Variants in NBPF8 observed in about 807,000 individuals in gnomAD.
NBPF8 encodes NBPF member 8.
At chr1:120,452,194 C>T in exon 13 of NBPF8, 5 of 1,358,668 alleles carry the variant, frequency 3.7e-6, no homozygotes, top group Non-Finnish European at 4.2e-6. Context: ...GGGAGAGATG[C>T]CTCCCTCTCA....
chr1:120,431,359 AATATATAT>A (rs869036983), upstream of NBPF8, among the ~76,000 whole-genome samples: 2,308 of 41,954 alleles, frequency 0.055, 96 homozygotes, highest in East Asian at 0.077. Context: ...CCAAATAGGG[AATATATAT>A]ATATATATAT....
chr1:120,465,982 A>G, exon 25 of NBPF8: 1 of 1,611,790 alleles, frequency 6.2e-7, no homozygotes, highest in Admixed American at 1.7e-5. Flanking sequence ...TTCCAGGCTC[A>G]ACAGCGTGCT....
At chr1:120,465,985 A>G (rs1553250780) in exon 25 of NBPF8, 21,117 of 1,611,030 alleles carry the variant, frequency 0.013, 768 homozygotes, top group East Asian at 0.1. Flanking sequence ...CAGGCTCAAC[A>G]GCGTGCTGAT....
chr1:120,422,920 A>T (rs1170088911), intron 1 of NBPF8, among the ~76,000 whole-genome samples: 2 of 105,474 alleles, frequency 1.9e-5, no homozygotes, highest in African/African-American at 5.1e-5. Context: ...CTTATTTGCC[A>T]TCTGTATATC....
At chr1:120,462,532 C>A (rs1661621379) in intron 20 of NBPF8, among the ~76,000 whole-genome samples, 3 of 111,920 alleles carry the variant, frequency 2.7e-5, no homozygotes, top group Non-Finnish European at 1.8e-5. Context: ...TGTCCTTTGA[C>A]CCCTTCATCA....
intron 12 of NBPF8, 144 bp from the exon 11 acceptor site, chr1:120,451,973 G>A: frequency 1.1e-6 from 1 of 934,622 alleles, no homozygotes; most frequent in Non-Finnish European, 1.8e-6. Context: ...TCTTTCTCTT[G>A]GCCACAGACA....
At chr1:120,431,340 T>C (rs1243080590) in intron 3 of NBPF8, among the ~76,000 whole-genome samples, 1 of 35,828 alleles carries the variant, frequency 2.8e-5, no homozygotes, top group African/African-American at 2.0e-4. Flanking sequence ...ATATATATAT[T>C]TATCATCTCC....
chr1:120,418,896 A>G (rs1273012527), upstream of NBPF8, among the ~76,000 whole-genome samples: 1 of 151,842 alleles, frequency 6.6e-6, no homozygotes, highest in Non-Finnish European at 1.5e-5. Flanking sequence ...AAGATTTACT[A>G]AAATCTCTTA....
chr1:120,428,109 C>CT (rs1660771358), intron 3 of NBPF8, among the ~76,000 whole-genome samples: 1 of 151,898 alleles, frequency 6.6e-6, no homozygotes, highest in Admixed American at 6.6e-5. Context: ...GCCTTGTTTC[C>CT]TTTTTAAGAT....
intron 3 of NBPF8, among the ~76,000 whole-genome samples, chr1:120,428,253 G>A (rs1196566367): frequency 1.3e-5 from 2 of 152,196 alleles, no homozygotes; most frequent in African/African-American, 2.4e-5. Context: ...ACCCAAGAGT[G>A]TCTTATCTGA....
intron 3 of NBPF8, among the ~76,000 whole-genome samples, chr1:120,430,752 C>CAAAAAA (rs1160946903): frequency 1.2e-4 from 5 of 41,236 alleles, no homozygotes; most frequent in Non-Finnish European, 2.3e-4. Flanking sequence ...GACTCTGTCT[C>CAAAAAA]AAAAAAAAAA....
At chr1:120,423,107 A>G (rs1217635103) in intron 1 of NBPF8, among the ~76,000 whole-genome samples, 3 of 134,480 alleles carry the variant, frequency 2.2e-5, no homozygotes, top group African/African-American at 1.0e-4. Flanking sequence ...TGTCTTTCAC[A>G]CAACAGAAGT....
chr1:120,415,680 T>G (rs1660415893), upstream of NBPF8, among the ~76,000 whole-genome samples: 1 of 152,152 alleles, frequency 6.6e-6, no homozygotes, highest in Non-Finnish European at 1.5e-5. Context: ...CTTGCAAAGT[T>G]GGGGTCTTTA....
chr1:120,450,025 G>A (rs1226165331), intron 11 of NBPF8, among the ~76,000 whole-genome samples: 1 of 152,076 alleles, frequency 6.6e-6, no homozygotes, highest in Non-Finnish European at 1.5e-5. Context: ...TCAGGAGTTT[G>A]GGACCAGCCT....
chr1:120,452,017 G>T, intron 12 of NBPF8, 100 bp from the exon 11 acceptor site: 1 of 1,317,176 alleles, frequency 7.6e-7, no homozygotes. Context: ...TCTGTTTCAA[G>T]GTCTCCTTGA....
intron 3 of NBPF8, among the ~76,000 whole-genome samples, chr1:120,431,252 CGTGTGTGTGT>C (rs1173094212): frequency 2.1e-4 from 26 of 125,318 alleles, no homozygotes; most frequent in African/African-American, 6.0e-4. Context: ...CACACACAAA[CGTGTGTGTGT>C]GTGTGTGTGT....
At chr1:120,425,706 G>A (rs1267804793) in intron 1 of NBPF8, among the ~76,000 whole-genome samples, 5 of 150,416 alleles carry the variant, frequency 3.3e-5, no homozygotes, top group Non-Finnish European at 5.9e-5. Flanking sequence ...AGGTGTGGAG[G>A]GGCAACCCAT....
chr1:120,450,474 A>ATAAT (rs1661236440), intron 11 of NBPF8, among the ~76,000 whole-genome samples: 1 of 152,084 alleles, frequency 6.6e-6, no homozygotes, highest in Admixed American at 6.5e-5. Context: ...GGGTACTACA[A>ATAAT]TAATACCTAC....
At chr1:120,464,329 T>A (rs1489603490) in intron 22 of NBPF8, 47 bp from the exon 21 acceptor site, 1 of 744,210 alleles carries the variant, frequency 1.3e-6, no homozygotes, top group Non-Finnish European at 2.4e-6. Context: ...GGTTCTGTTG[T>A]GTCTGATTTC....
Sources: allele counts gnomAD v4.1 joint callset (sites outside exome capture counted in the v4.1 genomes callset), GRCh38; gene constraint gnomAD v4.1.1; transcripts MANE v1.5; gene names NCBI Gene and HGNC (gene_info 2026-07-23, HGNC 2026-07-21).